Variants in VRK1 observed in about 807,000 individuals in gnomAD.
VRK1 encodes the protein serine/threonine-protein kinase VRK1.
In VRK1, 33 loss-of-function variants were observed where a neutral mutation model predicts 57.1. The observed-to-expected ratio is 0.58, with a 90% CI of 0.44 to 0.77. The LOEUF is 0.77. Ranked by LOEUF, VRK1 falls within the 30% of genes least tolerant of loss-of-function variation. VRK1 has a pLI of 0.00. For missense variants in VRK1, 413 were observed against 477.3 expected (o/e 0.87, Z 1.25); for synonymous variants, 137 against 147.8 (o/e 0.93, Z 0.53).
intron 12 of VRK1, among the ~76,000 whole-genome samples, chr14:96,880,788 C>T (rs529510731): frequency 9.2e-5 from 14 of 152,294 alleles, no homozygotes; most frequent in African/African-American, 3.1e-4. Flanking sequence ...CTCATCGCTT[C>T]CACCTTAGGA....
chr14:96,877,610 T>C lies in VRK1; in HGVS notation c.1159+1490T>C, dbSNP rs1446671227. ...CAAAATTAAGGAGTATTTATAAATATACAGCAATATTCTTAAAAAACAATC... is the reference window on the plus strand; with the variant it reads ...CAAAATTAAGGAGTATTTATAAATACACAGCAATATTCTTAAAAAACAATC... On this transcript the variant is annotated intron_variant, in intron 12 of 12. Coordinates refer to ENST00000216639, the MANE Select transcript of VRK1 (RefSeq NM_003384.3). 3.9e-6 allele frequency: 5 copies of C among 1,287,366 alleles called. No individual in the cohort carries two copies. In the African/African-American group the frequency reaches 7.6e-5, roughly 20 times the overall value. 79.7% of individuals were successfully genotyped at this position (1,287,366 alleles called of 1,614,324 possible).
intron 1 of VRK1, among the ~76,000 whole-genome samples, chr14:96,817,505 A>T (rs1886439975): frequency 6.6e-6 from 1 of 151,940 alleles, no homozygotes; most frequent in Non-Finnish European, 1.5e-5. Context: ...GTTTTCATGA[A>T]TTTTTTTAAT....
chr14:96,827,065 GC>G (rs1339308715), intron 1 of VRK1, among the ~76,000 whole-genome samples: 1 of 152,040 alleles, frequency 6.6e-6, no homozygotes, highest in Non-Finnish European at 1.5e-5. Flanking sequence ...ACATTAATAA[GC>G]CTTTGTCTGG....
intron 4 of VRK1, among the ~76,000 whole-genome samples, chr14:96,846,638 C>T (rs1232654394): frequency 6.7e-6 from 1 of 149,468 alleles, no homozygotes; most frequent in Non-Finnish European, 1.5e-5. Flanking sequence ...GAAACTGCAA[C>T]TTCAGGATAG....
At chr14:96,844,636 G>A (rs1300868524) in intron 3 of VRK1, among the ~76,000 whole-genome samples, 1 of 152,122 alleles carries the variant, frequency 6.6e-6, no homozygotes, top group African/African-American at 2.4e-5. Flanking sequence ...CCGCCTCCTG[G>A]GTTCAAGTGA....
chr14:96,876,063 C>G lies in VRK1; in HGVS notation c.1102C>G (p.Pro368Ala), dbSNP rs1425357748. Reference sequence around the variant, plus strand: ...GAAAGAAATTGAAGAAAGCAAGGAACCTGGTGTTGAAGATACGGAATGGTC... The same window carrying G: ...GAAAGAAATTGAAGAAAGCAAGGAAGCTGGTGTTGAAGATACGGAATGGTC... Reference protein sequence around the residue: ...RKKEIEESKEPGVEDTEWSNT... With the variant: ...RKKEIEESKEAGVEDTEWSNT... Residue 368 changes from proline to alanine, a missense_variant, in exon 12 of 13, where the codon CCT becomes GCT. This residue lies in a region of VRK1 where 146 missense variants were observed against 138.2 expected (regional missense o/e 1.06). Coordinates refer to ENST00000216639, the MANE Select transcript of VRK1 (RefSeq NM_003384.3). 2.5e-6 allele frequency: 4 copies of G among 1,613,444 alleles called. No homozygotes were observed. The highest frequency in any genetic ancestry group is 3.4e-6 in the Non-Finnish European group (4 of 1,179,654).
chr14:96,815,359 TTTG>T (rs1007606882), intron 1 of VRK1, among the ~76,000 whole-genome samples: 32 of 152,292 alleles, frequency 2.1e-4, no homozygotes, highest in African/African-American at 7.2e-4. Context: ...ATGTATTTTA[TTTG>T]TTATTTAAAA....
At chr14:96,809,000 T>C (rs906400709) in intron 1 of VRK1, among the ~76,000 whole-genome samples, 1 of 152,192 alleles carries the variant, frequency 6.6e-6, no homozygotes, top group African/African-American at 2.4e-5. Flanking sequence ...AAGACTGGGA[T>C]CATCTGATAC....
chr14:96,828,823 C>T (rs145097047), intron 1 of VRK1, among the ~76,000 whole-genome samples: 40 of 152,276 alleles, frequency 2.6e-4, no homozygotes, highest in African/African-American at 8.7e-4. Flanking sequence ...GCCATTGGCC[C>T]TGCTTATACC....
intron 12 of VRK1, among the ~76,000 whole-genome samples, chr14:96,878,281 G>A (rs544943417): frequency 6.6e-6 from 1 of 152,198 alleles, no homozygotes; most frequent in Admixed American, 6.5e-5. Flanking sequence ...GTTACTTGAA[G>A]GAAAAGACAC....
chr14:96,801,293 T>C (rs914294643), intron 1 of VRK1, among the ~76,000 whole-genome samples: 2 of 152,240 alleles, frequency 1.3e-5, no homozygotes, highest in Admixed American at 6.5e-5. Context: ...TTTCTTAGAT[T>C]GTTTTTATCA....
intron 1 of VRK1, among the ~76,000 whole-genome samples, chr14:96,799,644 A>G (rs531353761): frequency 9.9e-5 from 15 of 152,274 alleles, no homozygotes; most frequent in Admixed American, 3.9e-4. Context: ...TAGATCAGGC[A>G]GTGAGCCTAA....
intron 12 of VRK1, among the ~76,000 whole-genome samples, chr14:96,879,893 A>C (rs1339747187): frequency 2.0e-5 from 3 of 151,634 alleles, no homozygotes; most frequent in South Asian, 2.1e-4. Flanking sequence ...GTGTCACTGC[A>C]CTCTAGCCTG....
At chr14:96,848,197 G>A (rs1887790430) in intron 5 of VRK1, among the ~76,000 whole-genome samples, 1 of 152,040 alleles carries the variant, frequency 6.6e-6, no homozygotes, top group East Asian at 1.9e-4. Flanking sequence ...GTTCTCCATT[G>A]TGTGGTCGCC....
Position 96,880,538 on chromosome 14 carries a change from C to T in VRK1, c.1160-639C>T, listed in dbSNP as rs559730700. 2.6e-5 allele frequency among the ~76,000 whole-genome samples: 4 copies of T among 152,214 alleles called. No individual in the cohort carries two copies. The East Asian group carries it at 5.8e-4, about 22-fold the overall frequency. On this transcript the variant is annotated intron_variant, in intron 12 of 12. Coordinates refer to ENST00000216639, the MANE Select transcript of VRK1 (RefSeq NM_003384.3). The stretch of plus-strand genomic sequence containing the variant: ...TCTTGGTGAGGCAGAATTCCCATGC[C>T]CCCAGCAGAGAGTCATTGATTTATT...
At chr14:96,862,062 C>G (rs978219181) in intron 11 of VRK1, among the ~76,000 whole-genome samples, 11 of 152,192 alleles carry the variant, frequency 7.2e-5, no homozygotes, top group African/African-American at 2.7e-4. Flanking sequence ...TTGTCCAGAG[C>G]AACCACCTCC....
At chr14:96,858,676 A>G (rs908752181) in intron 10 of VRK1, among the ~76,000 whole-genome samples, 49 of 152,134 alleles carry the variant, frequency 3.2e-4, no homozygotes, top group African/African-American at 1.2e-3. Flanking sequence ...CATGTTTGTC[A>G]TCAGTCAAGT....
intron 12 of VRK1, among the ~76,000 whole-genome samples, chr14:96,878,627 A>G (rs370265067): frequency 1.8e-4 from 27 of 152,150 alleles, no homozygotes; most frequent in African/African-American, 6.0e-4. Context: ...TTGGGGGTCT[A>G]TTGTGTAAGA....
chr14:96,801,221 TAAAC>T (rs1264403476), intron 1 of VRK1, among the ~76,000 whole-genome samples: 2 of 152,220 alleles, frequency 1.3e-5, no homozygotes, highest in African/African-American at 4.8e-5. Context: ...TATCTAAAAT[TAAAC>T]AAACCATGAA....
Sources: gnomAD v4.1 joint callset for allele counts (sites outside exome capture counted in the v4.1 genomes callset) on GRCh38, gnomAD v4.1.1 for gene constraint, gnomAD v4.1.1 regional missense constraint, MANE v1.5 for transcripts, NCBI Gene and HGNC (gene_info 2026-07-23, HGNC 2026-07-21) for gene names.